The following DNAH7 variants were observed in gnomAD, a reference collection of about 807,000 sequenced individuals.
DNAH7 encodes axonemal beta dynein heavy chain 7.
In DNAH7, 397 loss-of-function variants were observed where a neutral mutation model predicts 444.6. The ratio of observed to expected loss-of-function variants is 0.89; its 90% confidence interval spans 0.82 to 0.97. DNAH7 has a LOEUF of 0.97. Ranked by LOEUF, DNAH7 falls within the 50% of genes least tolerant of loss-of-function variation. DNAH7 has a pLI of 0.00. For synonymous variants in DNAH7, 1,636 were observed against 1,624.4 expected, an observed-to-expected ratio of 1.01 and a Z score of -0.17; for missense variants, 4,902 against 4,800.8, an observed-to-expected ratio of 1.02 and a Z score of -0.62.
Position 196,035,097 on chromosome 2 carries a change from G to A in DNAH7, c.399-7050C>T, listed in dbSNP as rs537155231. Among the ~76,000 whole-genome samples, 9 of 152,144 alleles carry A rather than the reference G, an allele frequency of 5.9e-5. No homozygotes were observed. In the South Asian group the frequency reaches 1.2e-3, roughly 21 times the overall value. ...CTTGAGAGGCTGAGGTAGGAAAATC[G>A]CTTGAACCCAGGAGGCGGAGGTTGC... is the stretch of plus-strand genomic sequence containing the variant. On this transcript the variant is annotated intron_variant, in intron 5 of 64. Transcript: ENST00000312428.
At chr2:195,761,253 CTAGT>C (rs1173393199) in intron 61 of DNAH7, among the ~76,000 whole-genome samples, 6 of 151,744 alleles carry the variant, frequency 4.0e-5, no homozygotes, top group Admixed American at 3.3e-4. Flanking sequence ...GCAGAAGAAA[CTAGT>C]TAGCTAGAAG....
At chr2:195,859,881 G>T (rs1699922328) in intron 42 of DNAH7, among the ~76,000 whole-genome samples, 1 of 152,082 alleles carries the variant, frequency 6.6e-6, no homozygotes, top group South Asian at 2.1e-4. Context: ...CCCAAGTGAC[G>T]CTTTGCTAGC....
At chr2:195,809,483 A>AT (rs1439746491) in intron 52 of DNAH7, among the ~76,000 whole-genome samples, 1 of 152,156 alleles carries the variant, frequency 6.6e-6, no homozygotes, top group Non-Finnish European at 1.5e-5. Context: ...ATTTATATGC[A>AT]TAGCTGTATG....
chr2:195,971,277 A>C (rs1228016176), intron 16 of DNAH7, among the ~76,000 whole-genome samples: 1 of 152,218 alleles, frequency 6.6e-6, no homozygotes, highest in Non-Finnish European at 1.5e-5. Flanking sequence ...CCACCTGTAA[A>C]ATGAGACTGT....
intron 54 of DNAH7, 135 bp downstream of exon 54, chr2:195,806,605 A>G (rs144729540): frequency 5.0e-6 from 3 of 594,526 alleles, no homozygotes; most frequent in African/African-American, 1.9e-5. Flanking sequence ...AAATGTCTGC[A>G]TTAGAAAGAA....
At chr2:195,781,493 T>C (rs936276586) in intron 58 of DNAH7, among the ~76,000 whole-genome samples, 11 of 152,198 alleles carry the variant, frequency 7.2e-5, no homozygotes, top group Non-Finnish European at 1.6e-4. Context: ...GGTGGGCATG[T>C]AGATTACTAA....
chr2:195,828,087 C>G (rs1329557287), intron 48 of DNAH7, among the ~76,000 whole-genome samples: 1 of 152,070 alleles, frequency 6.6e-6, no homozygotes, highest in African/African-American at 2.4e-5. Flanking sequence ...AAATCCTAGA[C>G]ATCATAAAAC....
intron 19 of DNAH7, among the ~76,000 whole-genome samples, chr2:195,953,374 C>G (rs558556003): frequency 6.6e-5 from 10 of 152,320 alleles, no homozygotes; most frequent in African/African-American, 1.9e-4. Context: ...TCTGTTGACC[C>G]TGGCTGGGAG....
chr2:195,923,421 C>T (rs1292542673), intron 23 of DNAH7, among the ~76,000 whole-genome samples, 174 bp downstream of exon 23: 2 of 152,124 alleles, frequency 1.3e-5, no homozygotes, highest in Non-Finnish European at 2.9e-5. Flanking sequence ...ATACAGATGA[C>T]ATAGTTATCA....
intron 28 of DNAH7, among the ~76,000 whole-genome samples, chr2:195,899,494 T>C (rs1040761890): frequency 3.3e-5 from 5 of 152,166 alleles, no homozygotes; most frequent in African/African-American, 1.2e-4. Context: ...CTTTTGTTTA[T>C]TGCAACAAAC....
In DNAH7 at chr2:196,047,350, A is replaced by C; in HGVS notation, c.398+2T>G. ...ACGTAATGGTTAGCCTATACAACTT[A>C]CATAATGACATTAACAAGAGTACTT... On this transcript the variant is annotated splice_donor_variant, in intron 5 of 64. Coordinates refer to ENST00000312428, the MANE Select transcript of DNAH7 (RefSeq NM_018897.3). LOFTEE classifies it high-confidence loss of function. 6.3e-7 allele frequency: 1 copy of C among 1,582,128 alleles called. No individual in the cohort carries two copies. The highest frequency in any genetic ancestry group is 8.6e-7 in the Non-Finnish European group (1 of 1,162,876).
intron 12 of DNAH7, 133 bp downstream of exon 12, chr2:196,000,571 T>A (rs1043583899): frequency 3.9e-6 from 3 of 775,820 alleles, no homozygotes; most frequent in Non-Finnish European, 3.8e-6. Context: ...GGTAGTTTTT[T>A]AGGAAAACTT....
intron 48 of DNAH7, among the ~76,000 whole-genome samples, chr2:195,827,301 G>T (rs1056740655): frequency 5.7e-4 from 87 of 152,008 alleles, no homozygotes; most frequent in African/African-American, 2.0e-3. Context: ...TTTGAGATGG[G>T]GTCTCACTCT....
chr2:195,990,775 TTGTGTGTG>T (rs140976714), intron 12 of DNAH7, among the ~76,000 whole-genome samples: 57 of 132,944 alleles, frequency 4.3e-4, no homozygotes, highest in Admixed American at 7.8e-4. Flanking sequence ...TATAGCTTTG[TTGTGTGTG>T]TGTGTGTGTG....
intron 45 of DNAH7, among the ~76,000 whole-genome samples, chr2:195,854,491 G>T (rs1699580138): frequency 6.6e-6 from 1 of 152,104 alleles, no homozygotes; most frequent in South Asian, 2.1e-4. Flanking sequence ...CAAATGGTAT[G>T]TAATTGCAGT....
At chr2:196,031,412 C>G (rs1696050565) in intron 5 of DNAH7, among the ~76,000 whole-genome samples, 1 of 152,200 alleles carries the variant, frequency 6.6e-6, no homozygotes, top group East Asian at 1.9e-4. Context: ...AATATTTTTC[C>G]CATTGTCTTG....
chr2:196,067,945 G>A (rs1383134384), intron 1 of DNAH7, among the ~76,000 whole-genome samples: 2 of 152,164 alleles, frequency 1.3e-5, no homozygotes, highest in Non-Finnish European at 1.5e-5. Flanking sequence ...CCCATTCTGT[G>A]CTGATATTAA....
chr2:195,941,563 TAAAGTA>T (rs959663599), intron 19 of DNAH7, among the ~76,000 whole-genome samples: 14 of 151,058 alleles, frequency 9.3e-5, no homozygotes, highest in Admixed American at 9.2e-4. Flanking sequence ...TCCCCAAACT[TAAAGTA>T]AAATAAAAAA....
intron 63 of DNAH7, among the ~76,000 whole-genome samples, chr2:195,751,704 G>A (rs1693809777): frequency 6.6e-6 from 1 of 152,174 alleles, no homozygotes; most frequent in South Asian, 2.1e-4. Flanking sequence ...AGGTTAGCGT[G>A]ACCTGAGCAT....
Sources: gnomAD v4.1 joint callset for allele counts (sites outside exome capture counted in the v4.1 genomes callset) on GRCh38, gnomAD v4.1.1 for gene constraint, MANE v1.5 for transcripts, NCBI Gene and HGNC (gene_info 2026-07-23, HGNC 2026-07-21) for gene names.